The following NOTCH3 variants were observed in gnomAD, a reference collection of about 807,000 sequenced individuals.
NOTCH3 encodes neurogenic locus notch homolog protein 3.
A neutral mutation model predicts 213.3 loss-of-function variants in NOTCH3; 86 were observed. The ratio of observed to expected loss-of-function variants is 0.40; its 90% CI spans 0.34 to 0.48. NOTCH3 has a LOEUF of 0.48. NOTCH3 is among the 20% of genes least tolerant of loss of function. The pLI, the probability that NOTCH3 is intolerant of heterozygous loss-of-function variation, is 0.57. For missense variants in NOTCH3, 2,783 were observed against 3,272.6 expected (o/e 0.85, Z 3.65); for synonymous variants, 1,354 against 1,355.9 (o/e 1.00, Z 0.03).
rs1465769864 is a variant in NOTCH3 at position 15,162,015 on chromosome 19, T to C, written c.5914-301A>G. Among the ~76,000 whole-genome samples, 3 of 132,306 alleles carry C rather than the reference T, an allele frequency of 2.3e-5. No homozygotes were observed. In the East Asian group the frequency reaches 6.8e-4, roughly 30 times the overall value. The allele number at this position is 132,306 out of a possible 152,430, so 86.8% of individuals were successfully genotyped here. On this transcript the variant is annotated intron_variant, in intron 32 of 32. Coordinates refer to ENST00000263388, the MANE Select transcript of NOTCH3 (RefSeq NM_000435.3). ...TTTTTTTTTTTTGACAGAGTCTCAC[T>C]GTGTCGCCCAGGCTGGAGTGCAGTG...
chr19:15,188,932 G>C (rs2046905576), intron 8 of NOTCH3, 57 bp downstream of exon 8: 2 of 1,541,726 alleles, frequency 1.3e-6, no homozygotes, highest in African/African-American at 1.4e-5. Context: ...CCATCCGCGG[G>C]CTTCTCTGTC....
intron 25 of NOTCH3, among the ~76,000 whole-genome samples, chr19:15,173,744 A>AAGAAGAAGAAGAAGAAGAAGAAGAAG (rs1568351744): frequency 3.4e-4 from 1 of 2,948 alleles, no homozygotes; most frequent in African/African-American, 2.3e-3. Flanking sequence ...AAAAAAAAGA[A>AAGAAGAAGAAGAAGAAGAAGAAGAAG]AAGAAGAAGG....
At chr19:15,176,188 G>T (rs2046788748) in intron 24 of NOTCH3, among the ~76,000 whole-genome samples, 1 of 133,834 alleles carries the variant, frequency 7.5e-6, no homozygotes, top group Admixed American at 7.8e-5. Context: ...TTTTTGGTGA[G>T]ACAGAGATTT....
At chr19:15,175,200 A>G (rs979791103) in intron 24 of NOTCH3, among the ~76,000 whole-genome samples, 3 of 152,120 alleles carry the variant, frequency 2.0e-5, no homozygotes, top group Non-Finnish European at 4.4e-5. Flanking sequence ...AGGGAGATAC[A>G]TGAGCCAAAT....
Position 15,185,154 on chromosome 19 carries a change from A to G in NOTCH3, c.2296+103T>C. 1 of 1,508,262 alleles carries G rather than the reference A, an allele frequency of 6.6e-7. No individual in the cohort carries two copies. Among genetic ancestry groups the G allele is most frequent in the South Asian group, 1.2e-5 (1 of 86,172 alleles). 93.4% of individuals were successfully genotyped at this position (1,508,262 alleles called of 1,614,324 possible). ...AAGCTCCTGGAGGGAAATGATTGAA[A>G]GCAAAAAAGAAGCTAACATAGCGGG... On this transcript the variant is annotated intron_variant, in intron 14 of 32. Transcript: ENST00000263388. This position sits in a 1 kb window ranked among gnomAD's most constrained non-coding sequence, Gnocchi z 4.2.
Position 15,160,450 on chromosome 19 carries a change from G to A in NOTCH3, c.*212C>T. 1 of 599,856 alleles carries A rather than the reference G, an allele frequency of 1.7e-6. No individual in the cohort carries two copies. Among genetic ancestry groups the A allele is most frequent in the East Asian group, 2.8e-5 (1 of 35,604 alleles). 37.2% of individuals were successfully genotyped at this position (599,856 alleles called of 1,614,324 possible). On this transcript the variant is annotated 3_prime_UTR_variant, in exon 33 of 33. Transcript: ENST00000263388. ...CCCAGACTCTTCACAAGACTGAGAG[G>A]GTGGGTGGTAGCCCCCACCCATTAT...
In NOTCH3 at chr19:15,170,152, C is replaced by T; in HGVS notation, c.5133G>A (p.Glu1711=). The change falls in exon 28 of 33, where the codon GAG becomes GAA. Residue 1711 remains glutamate, a synonymous_variant. Transcript: ENST00000263388. Reference sequence around the variant, plus strand: ...CTGTGGCCACCTCCCCCATCAGGCTCTCACCCTTGGCCATGTTCCTGGCGG... The same window carrying T: ...CTGTGGCCACCTCCCCCATCAGGCTTTCACCCTTGGCCATGTTCCTGGCGG... The part of the protein sequence containing the change: ...ALGMKNMAKG[E]SLMGEVATDW... 2 of 1,605,440 alleles carry T rather than the reference C, an allele frequency of 1.2e-6. No homozygotes were observed. The highest frequency in any genetic ancestry group is 1.7e-6 in the Non-Finnish European group (2 of 1,175,820).
In NOTCH3 at chr19:15,170,693, C is replaced by T. The variant is rs148574670; in HGVS notation, c.4869G>A (p.Pro1623=). 35 of 1,587,624 alleles carry T rather than the reference C, an allele frequency of 2.2e-5. No individual in the cohort carries two copies. The highest frequency in any genetic ancestry group is 3.6e-5 in the Admixed American group (2 of 55,964). The change falls in exon 26 of 33, where the codon CCG becomes CCA. Residue 1623 remains proline, a synonymous_variant. Transcript: ENST00000263388. Reference sequence around the variant, plus strand: ...CACCCCGCACGTCCCGCAGTGGGTACGGGAAGTCCAGGCGCTCCACCGCTG... The same window carrying T: ...CACCCCGCACGTCCCGCAGTGGGTATGGGAAGTCCAGGCGCTCCACCGCTG... ...ALSAVERLDF[P]YPLRDVRGEP... is the part of the protein sequence containing the mutation.
At chr19:15,173,063 T>TCTTCC (rs1568351231) in intron 25 of NOTCH3, among the ~76,000 whole-genome samples, 1 of 1,948 alleles carries the variant, frequency 5.1e-4, no homozygotes, top group African/African-American at 4.5e-3. Context: ...CCTCTTCTTC[T>TCTTCC]TCTTCTTCTT....
intron 2 of NOTCH3, among the ~76,000 whole-genome samples, chr19:15,195,419 G>C (rs886176956): frequency 6.6e-6 from 1 of 152,026 alleles, no homozygotes; most frequent in Non-Finnish European, 1.5e-5. Context: ...AGAGAAGCCA[G>C]AGAGTCCAAG....
intron 2 of NOTCH3, among the ~76,000 whole-genome samples, chr19:15,195,001 C>T (rs1445789577): frequency 6.6e-6 from 1 of 151,490 alleles, no homozygotes; most frequent in Non-Finnish European, 1.5e-5. Context: ...AAGTCTCAGA[C>T]CCCAGGACAC....
chr19:15,179,381 C>T lies in NOTCH3; in HGVS notation c.3443G>A (p.Cys1148Tyr), dbSNP rs2145418853. ...TGGCATACCCAGCGTTCCTGGGGGACAGGAGCAGAGATAGCGGGCCACGAG... is the reference window on the plus strand; with the variant it reads ...TGGCATACCCAGCGTTCCTGGGGGATAGGAGCAGAGATAGCGGGCCACGAG... Reference protein sequence around the residue: ...IDLVARYLCSCPPGTLGVLCE... With the variant: ...IDLVARYLCSYPPGTLGVLCE... Residue 1148 changes from cysteine to tyrosine, a missense_variant, in exon 21 of 33, where the codon TGT (cysteine) becomes TAT (tyrosine). Transcript: ENST00000263388. 1 of 1,614,118 alleles carries T rather than the reference C, an allele frequency of 6.2e-7. No individual in the cohort carries two copies. The highest frequency in any genetic ancestry group is 1.7e-5 in the Admixed American group (1 of 60,022).
In NOTCH3 at chr19:15,160,869, C is replaced by T. The variant is rs770591520; in HGVS notation, c.6759G>A (p.Glu2253=). 6.2e-7 allele frequency: 1 copy of T among 1,613,772 alleles called. No homozygotes were observed. Among genetic ancestry groups the T allele is most frequent in the Non-Finnish European group, 8.5e-7 (1 of 1,179,820 alleles). Residue 2253 remains glutamate, a synonymous_variant, in exon 33 of 33, where the codon GAG becomes GAA. Coordinates refer to ENST00000263388, the MANE Select transcript of NOTCH3 (RefSeq NM_000435.3). ...AGGGAGGTGAGGGGCTGGCCCAGTG[C>T]TCAGGGGATTCGGGGGATGGGGTCA... ...PYLTPSPESP[E]HWASPSPPSL...
At chr19:15,173,744 A>AAGAAG (rs1568351744) in intron 25 of NOTCH3, among the ~76,000 whole-genome samples, 5 of 2,946 alleles carry the variant, frequency 1.7e-3, no homozygotes, top group African/African-American at 9.4e-3. Flanking sequence ...AAAAAAAAGA[A>AAGAAG]AAGAAGAAGG....
rs1307347680 is a variant in NOTCH3, at chr19:15,199,922, C to T, written c.118+866G>A. 2.0e-5 allele frequency among the ~76,000 whole-genome samples: 3 copies of T among 152,062 alleles called. No homozygotes were observed. In the East Asian group the frequency reaches 5.8e-4, roughly 30 times the overall value. On this transcript the variant is annotated intron_variant, in intron 1 of 32. Transcript: ENST00000263388. ...AGCGGTGAGGGGGGTGCCCCCGCAG[C>T]CCCCTCCCCGGCCCAGCCGCGGGTC...
chr19:15,169,719 A>G lies in NOTCH3; in HGVS notation c.5199+367T>C, dbSNP rs181718331. On this transcript the variant is annotated intron_variant, in intron 28 of 32. Coordinates refer to ENST00000263388, the MANE Select transcript of NOTCH3 (RefSeq NM_000435.3). The stretch of plus-strand genomic sequence containing the variant: ...CTCAGAGCACTTTCAGGCTAAGTCC[A>G]TGCTGGACAAAATAGGAACTGACAG... Among the ~76,000 whole-genome samples, 1,019 of 152,262 alleles carry G rather than the reference A, an allele frequency of 6.7e-3. 9 individuals are homozygous for G. Among genetic ancestry groups the G allele is most frequent in the Non-Finnish European group, 9.6e-3 (656 of 67,998 alleles).
At chr19:15,186,776 G>A (rs2046884988) in intron 12 of NOTCH3, 102 bp downstream of exon 12, 9 of 934,382 alleles carry the variant, frequency 9.6e-6, no homozygotes, top group Admixed American at 8.6e-5. Context: ...GGACAACCTC[G>A]TTGGACAAGA....
intron 1 of NOTCH3, among the ~76,000 whole-genome samples, chr19:15,198,746 C>T (rs2046988431): frequency 6.6e-6 from 1 of 151,756 alleles, no homozygotes; most frequent in African/African-American, 2.4e-5. Flanking sequence ...AGCCAAACTC[C>T]ATCTCCAAAA....
At chr19:15,199,729 C>T (rs925837366) in intron 1 of NOTCH3, among the ~76,000 whole-genome samples, 2 of 152,164 alleles carry the variant, frequency 1.3e-5, no homozygotes, top group African/African-American at 4.8e-5. Flanking sequence ...CCGGCGGAGG[C>T]GGCGGCTCCT....
Sources: gnomAD v4.1 joint callset for allele counts (sites outside exome capture counted in the v4.1 genomes callset) on GRCh38, gnomAD v4.1.1 for gene constraint, Gnocchi (gnomAD v3.1) non-coding constraint, MANE v1.5 for transcripts, NCBI Gene and HGNC (gene_info 2026-07-23, HGNC 2026-07-21) for gene names.